Variants in OSBPL3 observed in about 807,000 individuals in gnomAD.
OSBPL3 encodes the protein oxysterol-binding protein-related protein 3.
OSBPL3 carries 65 observed loss-of-function variants against 120.1 expected under a neutral mutation model. That is an observed-to-expected ratio of 0.54 (90% CI 0.44 to 0.67). The LOEUF (loss-of-function observed/expected upper bound fraction) is 0.67. Ranked by LOEUF, OSBPL3 falls within the 30% of genes least tolerant of loss-of-function variation. The pLI is 0.00. For synonymous variants in OSBPL3, 416 were observed against 402.6 expected (o/e 1.03, Z -0.40); for missense variants, 1,004 against 1,082.1 (o/e 0.93, Z 1.01).
Position 24,806,797 on chromosome 7 carries a change from G to C in OSBPL3, c.2423C>G (p.Thr808Ser), listed in dbSNP as rs1793100441. 1 of 1,614,016 alleles carries C rather than the reference G, an allele frequency of 6.2e-7. No individual in the cohort carries two copies. Among genetic ancestry groups the C allele is most frequent in the African/African-American group, 1.3e-5 (1 of 75,054 alleles). The change falls in exon 21 of 23, where the codon ACT becomes AGT. Residue 808 changes from threonine to serine, a missense_variant. This residue lies in a region of OSBPL3 where 473 missense variants were observed against 568.0 expected (regional missense o/e 0.83). Coordinates refer to ENST00000313367, the MANE Select transcript of OSBPL3 (RefSeq NM_015550.4). This position sits in a 1 kb window ranked among gnomAD's most constrained non-coding sequence, Gnocchi z 5.2. ...SSKSLLPPTDTRFRPDQRFLE... is the reference protein window; with the variant it reads ...SSKSLLPPTDSRFRPDQRFLE... Reference sequence around the variant, plus strand: ...TTACCTCTGGTCTGGCCTAAATCGAGTGTCAGTAGGTGGCAATAAAGACTT... The same window carrying C: ...TTACCTCTGGTCTGGCCTAAATCGACTGTCAGTAGGTGGCAATAAAGACTT...
At chr7:24,874,388 A>G (rs1404744791) in intron 2 of OSBPL3, among the ~76,000 whole-genome samples, 2 of 152,246 alleles carry the variant, frequency 1.3e-5, no homozygotes, top group Non-Finnish European at 2.9e-5. Flanking sequence ...AAATAATCAT[A>G]CACATCTGCT....
chr7:24,874,344 C>G (rs76498293), intron 2 of OSBPL3, among the ~76,000 whole-genome samples: 1 of 152,118 alleles, frequency 6.6e-6, no homozygotes, highest in Non-Finnish European at 1.5e-5. Context: ...TTTTAAGACT[C>G]CCAGGCAGAA....
chr7:24,815,030 G>T lies in OSBPL3; in HGVS notation c.2172+29C>A, dbSNP rs912362291. Reference sequence around the variant, plus strand: ...CTGGCTCTGCCACAGCCCTTCCAGGGTCAGAGCTCAGAGAGTCACTGGAGT... The same window carrying T: ...CTGGCTCTGCCACAGCCCTTCCAGGTTCAGAGCTCAGAGAGTCACTGGAGT... On this transcript the variant is annotated intron_variant, in intron 19 of 22. Coordinates refer to ENST00000313367, the MANE Select transcript of OSBPL3 (RefSeq NM_015550.4). This position sits in a 1 kb window ranked among gnomAD's most constrained non-coding sequence, Gnocchi z 5.1. 4 of 1,611,890 alleles carry T rather than the reference G, an allele frequency of 2.5e-6. No homozygotes were observed. Among genetic ancestry groups the T allele is most frequent in the Non-Finnish European group, 3.4e-6 (4 of 1,178,190 alleles).
rs750618607 is a variant in OSBPL3, at chr7:24,835,272, G to A, written c.1496-536C>T. On this transcript the variant is annotated intron_variant, in intron 14 of 22. Coordinates refer to ENST00000313367, the MANE Select transcript of OSBPL3 (RefSeq NM_015550.4). This position sits in a 1 kb window ranked among gnomAD's most constrained non-coding sequence, Gnocchi z 4.8. ...ATATTCTGCTTGTTCAGCTAACAGA[G>A]TATTTTTCCATATTATTTAAAATTT... Among the ~76,000 whole-genome samples the A allele has an allele frequency of 6.6e-6, 1 of 151,646 alleles. No individual in the cohort carries two copies. The highest frequency in any genetic ancestry group is 1.5e-5 in the Non-Finnish European group (1 of 67,996).
intron 14 of OSBPL3, among the ~76,000 whole-genome samples, chr7:24,839,757 G>A (rs1028538901): frequency 1.3e-5 from 2 of 152,098 alleles, no homozygotes; most frequent in Non-Finnish European, 2.9e-5. Context: ...GGGAGGCAGA[G>A]GCAGGTAGAT....
chr7:24,875,774 T>C (rs576222913), intron 2 of OSBPL3, among the ~76,000 whole-genome samples: 27 of 150,568 alleles, frequency 1.8e-4, no homozygotes, highest in Non-Finnish European at 3.0e-4. Flanking sequence ...TATTTACATA[T>C]ATAAATTTTA....
Position 24,820,142 on chromosome 7 carries a change from A to C in OSBPL3, c.1948+33T>G. ...AAATAAATAGATAACATATTACACA[A>C]TATGATGGAAGTAAAATGTATTAGC... On this transcript the variant is annotated intron_variant, in intron 17 of 22. Coordinates refer to ENST00000313367, the MANE Select transcript of OSBPL3 (RefSeq NM_015550.4). This position sits in a 1 kb window ranked among gnomAD's most constrained non-coding sequence, Gnocchi z 4.6. 4 of 1,397,566 alleles carry C rather than the reference A, an allele frequency of 2.9e-6. No homozygotes were observed. The highest frequency in any genetic ancestry group is 4.1e-6 in the Non-Finnish European group (4 of 986,570). The allele number at this position is 1,397,566 out of a possible 1,614,324, so 86.6% of individuals were successfully genotyped here.
At chr7:24,904,873 T>G (rs1584568619) in intron 1 of OSBPL3, among the ~76,000 whole-genome samples, 1 of 151,542 alleles carries the variant, frequency 6.6e-6, no homozygotes, top group Middle Eastern at 3.4e-3. Flanking sequence ...AGTTATTGTT[T>G]AATGGATACA....
chr7:24,859,029 A>G lies in OSBPL3; in HGVS notation c.1027+2584T>C, dbSNP rs145939068. ...TTTGAAGATCCTTTAAGGGTGGGCC[A>G]GGTAACTCTTGCCATTTCACGGATG... On this transcript the variant is annotated intron_variant, in intron 10 of 22. Transcript: ENST00000313367. 5.9e-3 allele frequency among the ~76,000 whole-genome samples: 896 copies of G among 152,348 alleles called. 7 individuals carry two copies. The highest frequency in any genetic ancestry group is 0.02 in the African/African-American group (836 of 41,578).
intron 14 of OSBPL3, among the ~76,000 whole-genome samples, chr7:24,837,605 C>A (rs1797172526): frequency 6.6e-6 from 1 of 152,244 alleles, no homozygotes; most frequent in Non-Finnish European, 1.5e-5. Context: ...GCCATCATCA[C>A]CACCAATACT....
chr7:24,871,839 T>C lies in OSBPL3; in HGVS notation c.214-44A>G, dbSNP rs1802161391. On this transcript the variant is annotated intron_variant, in intron 3 of 22. Transcript: ENST00000313367. The surrounding 1 kb of genome is among the most constrained non-coding windows in gnomAD (Gnocchi z 4.8). ...TATTAATTAAGGCATTCAATTTAGGTGCCCTTTTCTTGGTCTCAAATTCCA... is the reference window on the plus strand; with the variant it reads ...TATTAATTAAGGCATTCAATTTAGGCGCCCTTTTCTTGGTCTCAAATTCCA... 2 of 1,523,524 alleles carry C rather than the reference T, an allele frequency of 1.3e-6. No homozygotes were observed. Among genetic ancestry groups the C allele is most frequent in the African/African-American group, 2.7e-5 (2 of 73,024 alleles). The allele number at this position is 1,523,524 out of a possible 1,614,324, so 94.4% of individuals were successfully genotyped here.
chr7:24,855,736 G>A lies in OSBPL3; in HGVS notation c.1028-3102C>T, dbSNP rs1468077144. On this transcript the variant is annotated intron_variant, in intron 10 of 22. Coordinates refer to ENST00000313367, the MANE Select transcript of OSBPL3 (RefSeq NM_015550.4). The surrounding 1 kb of genome is among the most constrained non-coding windows in gnomAD (Gnocchi z 4.3). ...AAAGTCAGGAACACTCTCTGTGATA[G>A]GAGTGCTTTCTTACTTATTTCTAAC... Among the ~76,000 whole-genome samples, 1 of 152,174 alleles carries A rather than the reference G, an allele frequency of 6.6e-6. No homozygotes were observed. The highest frequency in any genetic ancestry group is 1.5e-5 in the Non-Finnish European group (1 of 68,038).
rs931239975 is a variant in OSBPL3 at position 24,877,675 on chromosome 7, T to C, written c.97-5606A>G. On this transcript the variant is annotated intron_variant, in intron 2 of 22. Coordinates refer to ENST00000313367, the MANE Select transcript of OSBPL3 (RefSeq NM_015550.4). The surrounding 1 kb of genome is among the most constrained non-coding windows in gnomAD (Gnocchi z 4.8). ...CCTTCGGGACATGGGACTTTAATAA[T>C]GTGTGCTGGATTAGAGTGAGTTGGC... 1.2e-4 allele frequency among the ~76,000 whole-genome samples: 19 copies of C among 152,126 alleles called. No individual in the cohort carries two copies. Among genetic ancestry groups the C allele is most frequent in the Non-Finnish European group, 2.5e-4 (17 of 68,022 alleles).
chr7:24,885,225 A>C (rs1804323864), intron 2 of OSBPL3, among the ~76,000 whole-genome samples: 1 of 135,244 alleles, frequency 7.4e-6, no homozygotes, highest in South Asian at 2.6e-4. Flanking sequence ...CTGTCTCAAA[A>C]ACAAAAAAAA....
Position 24,863,389 on chromosome 7 carries a change from T to G in OSBPL3, c.778-97A>C, listed in dbSNP as rs987605529. 104 of 1,400,470 alleles carry G rather than the reference T, an allele frequency of 7.4e-5. No individual in the cohort carries two copies. The highest frequency in any genetic ancestry group is 2.3e-4 in the Admixed American group (14 of 59,642). 86.8% of individuals were successfully genotyped at this position (1,400,470 alleles called of 1,614,324 possible). ...AAGTGACCACCTCCATCCCCTTGAC[T>G]TTGGCTGAAGCAACTGACCACAGCA... On this transcript the variant is annotated intron_variant, in intron 8 of 22. Transcript: ENST00000313367. This position sits in a 1 kb window ranked among gnomAD's most constrained non-coding sequence, Gnocchi z 5.8.
intron 1 of OSBPL3, among the ~76,000 whole-genome samples, chr7:24,945,377 T>C (rs1051494037): frequency 2.0e-5 from 3 of 152,232 alleles, no homozygotes; most frequent in Non-Finnish European, 4.4e-5. Flanking sequence ...TCATTCAACA[T>C]AGACTTAGTG....
In OSBPL3 at chr7:24,852,803, TAGAACA is replaced by T. The variant is rs974571776; in HGVS notation, c.1028-175_1028-170del. On this transcript the variant is annotated intron_variant, in intron 10 of 22. Transcript: ENST00000313367. The surrounding 1 kb of genome is among the most constrained non-coding windows in gnomAD (Gnocchi z 4.1). ...ACTTTTAAAAAACACATTTGCCATG[TAGAACA>T]CGCTAATGTAAACTAAGGCCTCTGG... 3.3e-5 allele frequency among the ~76,000 whole-genome samples: 5 copies of T among 152,212 alleles called. No individual in the cohort carries two copies. Among genetic ancestry groups the T allele is most frequent in the Admixed American group, 1.3e-4 (2 of 15,276 alleles).
chr7:24,840,084 T>A (rs1185722002), intron 14 of OSBPL3, among the ~76,000 whole-genome samples: 4 of 151,038 alleles, frequency 2.6e-5, no homozygotes, highest in African/African-American at 9.8e-5. Context: ...AAAATAAAAA[T>A]TTGCATAAGC....
In OSBPL3 at chr7:24,896,980, G is replaced by A. The variant is rs1261296684; in HGVS notation, c.-149-4359C>T. 6.6e-6 allele frequency among the ~76,000 whole-genome samples: 1 copy of A among 151,554 alleles called. No homozygotes were observed. The highest frequency in any genetic ancestry group is 2.0e-4 in the East Asian group (1 of 5,078). ...CCAGCTACTCAGGAGGCTGAGGCAG[G>A]AGAACTGCTTGAACCTGGGAGGCAG... On this transcript the variant is annotated intron_variant, in intron 1 of 22. Transcript: ENST00000313367. The surrounding 1 kb of genome is among the most constrained non-coding windows in gnomAD (Gnocchi z 4.4).
Sources: gnomAD v4.1 joint callset for allele counts (sites outside exome capture counted in the v4.1 genomes callset) on GRCh38, gnomAD v4.1.1 for gene constraint, gnomAD v4.1.1 regional missense constraint, Gnocchi (gnomAD v3.1) non-coding constraint, MANE v1.5 for transcripts, NCBI Gene and HGNC (gene_info 2026-07-23, HGNC 2026-07-21) for gene names.